SH3RF2: variants seen among roughly 807,000 people sequenced by gnomAD.
SH3RF2 encodes the protein SH3 domain containing ring finger 2.
A neutral mutation model predicts 59.0 loss-of-function variants in SH3RF2; 43 were observed. That is an observed-to-expected ratio of 0.73 (90% CI 0.57 to 0.94). The LOEUF (loss-of-function observed/expected upper bound fraction) is 0.94, where lower values mean the gene tolerates loss of function less well. Among genes scored for constraint, SH3RF2 ranks in the 40% least tolerant of loss-of-function variants. The pLI is 0.00. For synonymous variants in SH3RF2, 391 were observed against 391.5 expected, an observed-to-expected ratio of 1.00 and a Z score of 0.01; for missense variants, 930 against 940.1, an observed-to-expected ratio of 0.99 and a Z score of 0.14.
intron 2 of SH3RF2, among the ~76,000 whole-genome samples, 167 bp from the exon 3 acceptor site, chr5:145,999,891 G>A (rs192949218): frequency 3.3e-5 from 5 of 152,182 alleles, no homozygotes; most frequent in Non-Finnish European, 5.9e-5. Context: ...GAAGAATGGC[G>A]CTGATAGACC....
chr5:145,961,541 A>G (rs1306537009), intron 2 of SH3RF2, among the ~76,000 whole-genome samples: 1 of 152,218 alleles, frequency 6.6e-6, no homozygotes, highest in African/African-American at 2.4e-5. Context: ...GGACATAATC[A>G]TGGCGAATAG....
chr5:145,997,971 T>G (rs958344484), intron 2 of SH3RF2: 2 of 772,674 alleles, frequency 2.6e-6, no homozygotes, highest in Non-Finnish European at 4.8e-6. Flanking sequence ...TCACAGGTGG[T>G]CCCACCCAGA....
At chr5:145,936,727 T>C (rs1334216199) in intron 1 of SH3RF2, 33 bp downstream of exon 1, 3 of 152,516 alleles carry the variant, frequency 2.0e-5, no homozygotes, top group African/African-American at 2.4e-5. Flanking sequence ...CCCAGCCCGC[T>C]GCCGCGCTGA....
intron 2 of SH3RF2, 70 bp from the exon 3 acceptor site, chr5:145,999,988 G>A (rs1017983299): frequency 3.1e-5 from 48 of 1,536,256 alleles, no homozygotes; most frequent in Non-Finnish European, 4.0e-5. Flanking sequence ...ATAAAAGGGG[G>A]AATGCTTGTA....
chr5:145,973,746 C>A (rs1180331654), intron 2 of SH3RF2, among the ~76,000 whole-genome samples: 1 of 152,002 alleles, frequency 6.6e-6, no homozygotes, highest in Non-Finnish European at 1.5e-5. Flanking sequence ...ATTCAGTAAG[C>A]AATATATGGA....
chr5:145,939,386 G>T (rs1221778117), intron 2 of SH3RF2, among the ~76,000 whole-genome samples: 2 of 152,208 alleles, frequency 1.3e-5, no homozygotes, highest in African/African-American at 2.4e-5. Flanking sequence ...TTGCAGGACT[G>T]CTTCCTTACT....
At chr5:145,963,464 A>G (rs951070871) in intron 2 of SH3RF2, among the ~76,000 whole-genome samples, 4 of 152,082 alleles carry the variant, frequency 2.6e-5, no homozygotes, top group South Asian at 2.1e-4. Context: ...CAGTAACAAA[A>G]CCTTCCTCTT....
intron 2 of SH3RF2, among the ~76,000 whole-genome samples, chr5:145,955,005 G>A (rs1758338858): frequency 6.6e-6 from 1 of 152,106 alleles, no homozygotes; most frequent in Non-Finnish European, 1.5e-5. Context: ...CCAAGGGATG[G>A]TGCAAACCAT....
chr5:145,990,474 G>A (rs1051048696), intron 2 of SH3RF2, among the ~76,000 whole-genome samples: 6 of 152,156 alleles, frequency 3.9e-5, no homozygotes, highest in Non-Finnish European at 7.3e-5. Flanking sequence ...CCTGGCCCAC[G>A]TACCCTTGTG....
chr5:145,943,077 A>AAT (rs1757880064), intron 2 of SH3RF2, among the ~76,000 whole-genome samples: 1 of 151,730 alleles, frequency 6.6e-6, no homozygotes, highest in Non-Finnish European at 1.5e-5. Flanking sequence ...ACATATATAT[A>AAT]ATATATATAA....
intron 2 of SH3RF2, among the ~76,000 whole-genome samples, chr5:145,958,787 T>C (rs1293079829): frequency 7.9e-5 from 12 of 152,156 alleles, no homozygotes; most frequent in Admixed American, 7.9e-4. Flanking sequence ...GCCATTGTAA[T>C]CAGTTTGCTG....
intron 2 of SH3RF2, among the ~76,000 whole-genome samples, chr5:145,942,792 C>T (rs1390744365): frequency 2.0e-5 from 3 of 152,170 alleles, no homozygotes; most frequent in East Asian, 3.8e-4. Flanking sequence ...AACCACATGG[C>T]CCCACACTGG....
chr5:145,955,252 A>G (rs760960216), intron 2 of SH3RF2, among the ~76,000 whole-genome samples: 1 of 152,210 alleles, frequency 6.6e-6, no homozygotes, highest in Non-Finnish European at 1.5e-5. Context: ...TGTCCTTTGC[A>G]GTAACATAGA....
At chr5:145,997,608 A>G in intron 2 of SH3RF2, 20 of 1,600,102 alleles carry the variant, frequency 1.2e-5, no homozygotes, top group Non-Finnish European at 1.6e-5. Flanking sequence ...TTTTAAGTTT[A>G]AGAAAATTAC....
chr5:145,951,156 C>T (rs1468805132), intron 2 of SH3RF2, among the ~76,000 whole-genome samples: 1 of 152,166 alleles, frequency 6.6e-6, no homozygotes, highest in Non-Finnish European at 1.5e-5. Context: ...TCTTCAAGAG[C>T]CTGTGCTAAA....
intron 9 of SH3RF2, among the ~76,000 whole-genome samples, chr5:146,061,090 C>T (rs1254510748): frequency 6.6e-6 from 1 of 152,178 alleles, no homozygotes; most frequent in African/African-American, 2.4e-5. Context: ...GCGATTCCCC[C>T]ATTGGTTAAC....
chr5:146,049,025 C>G (rs748766750), intron 6 of SH3RF2, 50 bp from the exon 7 acceptor site: 19 of 1,605,198 alleles, frequency 1.2e-5, no homozygotes, highest in Middle Eastern at 3.3e-4. Flanking sequence ...CCATGCCCCC[C>G]ATCAGGCACG....
At chr5:145,955,237 A>G (rs1758348190) in intron 2 of SH3RF2, among the ~76,000 whole-genome samples, 1 of 152,180 alleles carries the variant, frequency 6.6e-6, no homozygotes, top group African/African-American at 2.4e-5. Context: ...TGGGGAACAA[A>G]ATCATGTCCT....
intron 4 of SH3RF2, among the ~76,000 whole-genome samples, chr5:146,010,508 G>A (rs887887432): frequency 6.6e-6 from 1 of 152,176 alleles, no homozygotes; most frequent in African/African-American, 2.4e-5. Context: ...GTGTAAAAGT[G>A]TTCCTATTTC....
Sources: gnomAD v4.1 joint callset for allele counts (sites outside exome capture counted in the v4.1 genomes callset) on GRCh38, gnomAD v4.1.1 for gene constraint, MANE v1.5 for transcripts, NCBI Gene and HGNC (gene_info 2026-07-23, HGNC 2026-07-21) for gene names.